Variants in SOD2 observed in about 807,000 individuals in gnomAD.
SOD2 encodes the protein superoxide dismutase 2, also known as superoxide dismutase [Mn], mitochondrial.
Under a neutral mutation model 27.0 loss-of-function variants are expected in SOD2, and 11 were observed. The ratio of observed to expected loss-of-function variants is 0.41; its 90% CI spans 0.26 to 0.67. The LOEUF is 0.67. SOD2 is among the 30% of genes least tolerant of loss of function. SOD2 has a pLI of 0.34. For missense variants in SOD2, 250 were observed against 274.5 expected (o/e 0.91, Z 0.63); for synonymous variants, 105 against 103.0 (o/e 1.02, Z -0.12).
intron 1 of SOD2, among the ~76,000 whole-genome samples, chr6:159,743,478 G>A (rs1779384591): frequency 6.6e-6 from 1 of 152,234 alleles, no homozygotes; most frequent in Non-Finnish European, 1.5e-5. Context: ...TAGTCATGGA[G>A]CACTATGACA....
chr6:159,736,367 A>C, intron 1 of SOD2: 2 of 1,201,912 alleles, frequency 1.7e-6, no homozygotes, highest in Non-Finnish European at 2.4e-6. Context: ...CACTTTAAAA[A>C]AAAATAGACT....
At chr6:159,759,381 C>T (rs1583116286) in intron 1 of SOD2, among the ~76,000 whole-genome samples, 2 of 146,240 alleles carry the variant, frequency 1.4e-5, no homozygotes, top group Admixed American at 1.4e-4. Flanking sequence ...TAAAAATTAT[C>T]TTCCAGCTGG....
At chr6:159,726,933 C>G in intron 1 of SOD2, 1 of 1,288,650 alleles carries the variant, frequency 7.8e-7, no homozygotes, top group Non-Finnish European at 1.0e-6. Flanking sequence ...TCCTCCGACA[C>G]GCGGAAGCAT....
At chr6:159,753,737 T>G in intron 1 of SOD2, 1 of 1,225,772 alleles carries the variant, frequency 8.2e-7, no homozygotes, top group Non-Finnish European at 1.1e-6. Flanking sequence ...TGATTGTATA[T>G]TATTGTGAGT....
chr6:159,714,856 A>G (rs1777897173), intron 1 of SOD2, among the ~76,000 whole-genome samples: 1 of 152,098 alleles, frequency 6.6e-6, no homozygotes, highest in Non-Finnish European at 1.5e-5. Context: ...TTAGTTATAC[A>G]TAAGAGGCTT....
intron 1 of SOD2, among the ~76,000 whole-genome samples, chr6:159,718,396 A>G (rs1453257308): frequency 6.6e-6 from 1 of 152,184 alleles, no homozygotes; most frequent in Non-Finnish European, 1.5e-5. Flanking sequence ...ATACATGGGA[A>G]CGCAGATATC....
chr6:159,733,790 C>G (rs1211532868), intron 1 of SOD2, among the ~76,000 whole-genome samples: 1 of 152,096 alleles, frequency 6.6e-6, no homozygotes, highest in Non-Finnish European at 1.5e-5. Flanking sequence ...GTGGCGCATG[C>G]CTGTAATCCC....
intron 1 of SOD2, among the ~76,000 whole-genome samples, chr6:159,737,424 A>C (rs1411304152): frequency 6.6e-6 from 1 of 152,212 alleles, no homozygotes; most frequent in Admixed American, 6.5e-5. Context: ...TAGTATTATA[A>C]TTTGAAACAT....
At chr6:159,757,952 GAATTT>G (rs1417037709) in intron 1 of SOD2, among the ~76,000 whole-genome samples, 3 of 152,300 alleles carry the variant, frequency 2.0e-5, no homozygotes, top group African/African-American at 7.2e-5. Context: ...TTTTATGACT[GAATTT>G]AATATGGACC....
chr6:159,733,158 G>A (rs1308094445), intron 1 of SOD2, among the ~76,000 whole-genome samples: 2 of 143,736 alleles, frequency 1.4e-5, no homozygotes, highest in African/African-American at 2.5e-5. Context: ...CAACAAGGGA[G>A]GAACCAATTT....
At chr6:159,717,128 ATTT>A (rs113051125) in intron 1 of SOD2, among the ~76,000 whole-genome samples, 1 of 152,086 alleles carries the variant, frequency 6.6e-6, no homozygotes, top group African/African-American at 2.4e-5. Context: ...TAATGAAGGG[ATTT>A]TTTTCCAGTA....
At chr6:159,754,077 C>T (rs1779917644) in intron 1 of SOD2, among the ~76,000 whole-genome samples, 1 of 152,168 alleles carries the variant, frequency 6.6e-6, no homozygotes, top group African/African-American at 2.4e-5. Context: ...TGAGATAAAA[C>T]TTGTCAGCCT....
chr6:159,723,171 C>T (rs1346214491), intron 1 of SOD2, among the ~76,000 whole-genome samples: 3 of 152,350 alleles, frequency 2.0e-5, no homozygotes, highest in East Asian at 3.9e-4. Flanking sequence ...AGCAAGTTCT[C>T]AATCGACTTT....
intron 1 of SOD2, chr6:159,739,115 G>C: frequency 8.0e-7 from 1 of 1,251,202 alleles, no homozygotes; most frequent in Non-Finnish European, 1.1e-6. Flanking sequence ...CACTGTAATT[G>C]TCTTTGTGCC....
At chr6:159,734,774 C>G (rs780773087) in intron 1 of SOD2, among the ~76,000 whole-genome samples, 2 of 152,170 alleles carry the variant, frequency 1.3e-5, no homozygotes, top group African/African-American at 2.4e-5. Flanking sequence ...AACCCTGATT[C>G]AATTTTTTAA....
rs1246050643 is a variant in SOD2, at chr6:159,675,271, A to G, written c.*7222T>C. 2.0e-5 allele frequency: 3 copies of G among 152,218 alleles called. No individual in the cohort carries two copies. Among genetic ancestry groups the G allele is most frequent in the Non-Finnish European group, 4.4e-5 (3 of 68,046 alleles). 9.4% of individuals were successfully genotyped at this position (152,218 alleles called of 1,614,324 possible). On this transcript the variant is annotated 3_prime_UTR_variant, in exon 5 of 5. Coordinates refer to ENST00000538183, the MANE Select transcript of SOD2 (RefSeq NM_000636.4). Reference sequence around the variant, plus strand: ...ACTTTAAAGTTCATGTGGAACCAAAAAAGAGCCTGCACTGCCAAAACGATC... The same window carrying G: ...ACTTTAAAGTTCATGTGGAACCAAAGAAGAGCCTGCACTGCCAAAACGATC...
chr6:159,693,340 C>CA, upstream of SOD2: 1 of 257,162 alleles, frequency 3.9e-6, no homozygotes, highest in Admixed American at 6.8e-5. Flanking sequence ...CCCCCCCCCC[C>CA]GCGGGCCCCG....
At position 159,675,961 on chromosome 6, in the gene SOD2, A is replaced by G. The variant is rs1779770490; in HGVS notation, c.*6532T>C. 1 of 152,242 alleles carries G rather than the reference A, an allele frequency of 6.6e-6. No individual in the cohort carries two copies. Among genetic ancestry groups the G allele is most frequent in the Non-Finnish European group, 1.5e-5 (1 of 68,040 alleles). 9.4% of individuals were successfully genotyped at this position (152,242 alleles called of 1,614,324 possible). ...GATATGAAGAGACACTTCTCAAAAG[A>G]AGACATCCATGCATCCAACAGACAC... On this transcript the variant is annotated 3_prime_UTR_variant, in exon 5 of 5. Coordinates refer to ENST00000538183, the MANE Select transcript of SOD2 (RefSeq NM_000636.4).
chr6:159,713,492 A>G (rs371650153), intron 1 of SOD2: 5 of 664,872 alleles, frequency 7.5e-6, no homozygotes, highest in African/African-American at 3.6e-5. Flanking sequence ...TGTTTCTTCA[A>G]TGCCGTCTCA....
Sources: allele counts gnomAD v4.1 joint callset (sites outside exome capture counted in the v4.1 genomes callset), GRCh38; gene constraint gnomAD v4.1.1; transcripts MANE v1.5; gene names NCBI Gene and HGNC (gene_info 2026-07-23, HGNC 2026-07-21).